Variants in ARHGAP24 observed in about 807,000 individuals in gnomAD.
ARHGAP24 encodes the protein Rho GTPase activating protein 24.
Under a neutral mutation model 76.4 loss-of-function variants are expected in ARHGAP24, and 50 were observed. The observed-to-expected ratio is 0.65, with a 90% confidence interval of 0.52 to 0.83. The LOEUF (loss-of-function observed/expected upper bound fraction) is 0.83, where lower values mean the gene tolerates loss of function less well. Ranked by LOEUF, ARHGAP24 falls within the 40% of genes least tolerant of loss-of-function variation. The probability of loss-of-function intolerance (pLI) is 0.00; values close to 1 mark genes in which losing one functional copy is unlikely to be tolerated. For synonymous variants in ARHGAP24, 345 were observed against 323.3 expected, an observed-to-expected ratio of 1.07 and a Z score of -0.72; for missense variants, 930 against 914.2, an observed-to-expected ratio of 1.02 and a Z score of -0.22.
intron 2 of ARHGAP24, among the ~76,000 whole-genome samples, chr4:85,608,293 C>A (rs1284886183): frequency 1.3e-5 from 2 of 151,896 alleles, no homozygotes; most frequent in African/African-American, 4.8e-5. Context: ...TTTAAGGATG[C>A]CAATTACCTA....
At chr4:85,964,180 C>T (rs772657497) in intron 5 of ARHGAP24, among the ~76,000 whole-genome samples, 1 of 151,986 alleles carries the variant, frequency 6.6e-6, no homozygotes, top group African/African-American at 2.4e-5. Context: ...ACATACTGCT[C>T]AGTCAGAGAA....
chr4:85,834,424 C>A (rs934837778), intron 3 of ARHGAP24, among the ~76,000 whole-genome samples: 4 of 152,194 alleles, frequency 2.6e-5, no homozygotes, highest in Non-Finnish European at 5.9e-5. Context: ...GACATCCTAT[C>A]TCAAGTACAC....
chr4:85,929,548 G>A (rs1017458387), intron 4 of ARHGAP24, among the ~76,000 whole-genome samples: 7 of 152,148 alleles, frequency 4.6e-5, no homozygotes, highest in African/African-American at 1.7e-4. Flanking sequence ...GTGGACATGG[G>A]GGCTGGGGTG....
chr4:85,891,033 A>G (rs1733860927), intron 3 of ARHGAP24, among the ~76,000 whole-genome samples: 1 of 152,146 alleles, frequency 6.6e-6, no homozygotes, highest in South Asian at 2.1e-4. Flanking sequence ...AGGTGGCTGT[A>G]GTGATCAGGG....
At chr4:85,690,713 C>CTT (rs76097587) in intron 2 of ARHGAP24, among the ~76,000 whole-genome samples, 11 of 137,486 alleles carry the variant, frequency 8.0e-5, no homozygotes, top group African/African-American at 2.7e-4. Flanking sequence ...CCCACTCCCC[C>CTT]TTTTTTTTTT....
At position 85,811,441 on chromosome 4, in the gene ARHGAP24, CA is replaced by C. The variant is rs371366744; in HGVS notation, c.268+89470del. On this transcript the variant is annotated intron_variant, in intron 3 of 9. Coordinates refer to ENST00000395184, the MANE Select transcript of ARHGAP24 (RefSeq NM_001025616.3). ...TTCTAGTCTAGGGTAGTGAGCTGCC[CA>C]GCCCAGGAGAAACTTAATATGCAAG... Among the ~76,000 whole-genome samples the C allele has an allele frequency of 4.6e-5, 7 of 152,268 alleles. 1 individual carries two copies. Among genetic ancestry groups the C allele is most frequent in the African/African-American group, 1.7e-4 (7 of 41,558 alleles).
chr4:85,509,223 A>G (rs999697960), intron 1 of ARHGAP24, among the ~76,000 whole-genome samples: 1 of 148,856 alleles, frequency 6.7e-6, no homozygotes, highest in South Asian at 2.2e-4. Flanking sequence ...GAGGGATAGC[A>G]TTAGGAGATA....
chr4:85,655,792 TAGAGAGAGAGAGAGAGAGAGAGAGAA>T (rs1722132933), intron 2 of ARHGAP24, among the ~76,000 whole-genome samples: 1 of 37,702 alleles, frequency 2.7e-5, no homozygotes, highest in African/African-American at 1.6e-4. Flanking sequence ...TATATATATA[TAGAGAGAGAGAGAGAGAGAGAGAGAA>T]AGAGAGAGAG....
chr4:85,641,494 C>T (rs6531846), intron 2 of ARHGAP24, among the ~76,000 whole-genome samples: 49,920 of 151,900 alleles, frequency 0.33, 9,257 homozygotes, highest in East Asian at 0.84. Context: ...CTGTTCCACA[C>T]CTCTTTCCTT....
At chr4:85,551,983 C>A (rs1295327357) in intron 1 of ARHGAP24, among the ~76,000 whole-genome samples, 1 of 151,982 alleles carries the variant, frequency 6.6e-6, no homozygotes, top group Non-Finnish European at 1.5e-5. Context: ...ATTCATTGAT[C>A]TTTATCTTTT....
rs1475432377 is a variant in ARHGAP24 at position 86,001,936 on chromosome 4, C to T, written c.*1214C>T. On this transcript the variant is annotated 3_prime_UTR_variant, in exon 10 of 10. Coordinates refer to ENST00000395184, the MANE Select transcript of ARHGAP24 (RefSeq NM_001025616.3). ...TGACAGTATCACTTTCCTGTTAAAACATACAATAATTTTAAAAGGTGAATG... is the reference window on the plus strand; with the variant it reads ...TGACAGTATCACTTTCCTGTTAAAATATACAATAATTTTAAAAGGTGAATG... The T allele has an allele frequency of 6.6e-6, 1 of 152,316 alleles. No individual in the cohort carries two copies. The highest frequency in any genetic ancestry group is 1.5e-5 in the Non-Finnish European group (1 of 68,112). The allele number at this position is 152,316 out of a possible 1,614,324, so 9.4% of individuals were successfully genotyped here.
At chr4:85,881,544 A>G (rs759221604) in intron 3 of ARHGAP24, among the ~76,000 whole-genome samples, 2 of 152,058 alleles carry the variant, frequency 1.3e-5, no homozygotes, top group African/African-American at 2.4e-5. Context: ...CATTTCACAG[A>G]CGGTGATTTC....
chr4:85,902,363 T>TAACAAA lies in ARHGAP24; in HGVS notation c.269-21285_269-21284insAACAAA, dbSNP rs1734545978. The stretch of plus-strand genomic sequence containing the variant: ...TCTATGGCATTTAGAGACTGTATTT[T>TAACAAA]CTTTCCCAAGAAGTTTGTTTCCAAA... On this transcript the variant is annotated intron_variant, in intron 3 of 9. Coordinates refer to ENST00000395184, the MANE Select transcript of ARHGAP24 (RefSeq NM_001025616.3). Among the ~76,000 whole-genome samples the TAACAAA allele has an allele frequency of 2.0e-5, 3 of 152,336 alleles. No homozygotes were observed. In the South Asian group the frequency reaches 6.2e-4, roughly 32 times the overall value.
chr4:85,755,735 T>C (rs1028858379), intron 3 of ARHGAP24, among the ~76,000 whole-genome samples: 4 of 150,490 alleles, frequency 2.7e-5, no homozygotes, highest in Non-Finnish European at 5.9e-5. Context: ...CAGGGTCAAG[T>C]GATTCTCCTG....
intron 2 of ARHGAP24, among the ~76,000 whole-genome samples, chr4:85,691,772 G>A (rs914859059): frequency 4.6e-5 from 7 of 152,070 alleles, no homozygotes; most frequent in African/African-American, 1.7e-4. Flanking sequence ...AAAATGGTTG[G>A]GTGTTACCTT....
At chr4:85,874,802 TA>T (rs567765483) in intron 3 of ARHGAP24, among the ~76,000 whole-genome samples, 971 of 9,716 alleles carry the variant, frequency 0.1, 156 homozygotes, top group Non-Finnish European at 0.12. Context: ...AATTTATATA[TA>T]AAATATATTT....
chr4:85,995,767 C>G, intron 9 of ARHGAP24, 110 bp downstream of exon 9: 2 of 1,061,130 alleles, frequency 1.9e-6, no homozygotes, highest in Non-Finnish European at 2.8e-6. Context: ...CAAAGAAACA[C>G]AAGTTTGCTC....
At chr4:85,531,910 T>G (rs891400880) in intron 1 of ARHGAP24, among the ~76,000 whole-genome samples, 4 of 152,088 alleles carry the variant, frequency 2.6e-5, no homozygotes, top group African/African-American at 9.6e-5. Context: ...TGTTTTATTT[T>G]TACCTATTTA....
chr4:85,806,928 TTTAAC>T (rs890567450), intron 3 of ARHGAP24, among the ~76,000 whole-genome samples: 5 of 152,156 alleles, frequency 3.3e-5, no homozygotes. Context: ...TAATACACTT[TTTAAC>T]TTAACAAAAG....
Sources: gnomAD v4.1 joint callset for allele counts (sites outside exome capture counted in the v4.1 genomes callset) on GRCh38, gnomAD v4.1.1 for gene constraint, MANE v1.5 for transcripts, NCBI Gene and HGNC (gene_info 2026-07-23, HGNC 2026-07-21) for gene names.